CPVL: variants seen among roughly 807,000 people sequenced by gnomAD.
CPVL encodes the protein probable serine carboxypeptidase CPVL.
A neutral mutation model predicts 63.7 loss-of-function variants in CPVL; 51 were observed. The ratio of observed to expected loss-of-function variants is 0.80; its 90% CI spans 0.64 to 1.01. The LOEUF (loss-of-function observed/expected upper bound fraction) is 1.01, where lower values mean the gene tolerates loss of function less well. CPVL is among the 50% of genes least tolerant of loss of function. The pLI, the probability that CPVL is intolerant of heterozygous loss-of-function variation, is 0.00. For synonymous variants in CPVL, 195 were observed against 206.0 expected (o/e 0.95, Z 0.46); for missense variants, 530 against 573.1 (o/e 0.92, Z 0.77).
At chr7:29,123,597 G>GAAAAAAAAA (rs778757980) in intron 1 of CPVL, among the ~76,000 whole-genome samples, 1 of 41,246 alleles carries the variant, frequency 2.4e-5, no homozygotes, top group Non-Finnish European at 4.8e-5. Context: ...AACTGGTTCA[G>GAAAAAAAAA]AAAAAAAAAA....
At chr7:29,139,286 T>C (rs899033779) in intron 1 of CPVL, among the ~76,000 whole-genome samples, 3 of 152,184 alleles carry the variant, frequency 2.0e-5, no homozygotes, top group East Asian at 1.9e-4. Flanking sequence ...GTTCCTTCAT[T>C]TGTAAATTCT....
intron 1 of CPVL, among the ~76,000 whole-genome samples, chr7:29,137,055 C>T (rs1425939527): frequency 2.6e-5 from 4 of 152,182 alleles, no homozygotes; most frequent in Non-Finnish European, 4.4e-5. Context: ...CCAACCTTGA[C>T]TTTAACTCCT....
At chr7:29,101,524 G>T (rs936305803) in intron 3 of CPVL, among the ~76,000 whole-genome samples, 1 of 152,230 alleles carries the variant, frequency 6.6e-6, no homozygotes, top group Non-Finnish European at 1.5e-5. Flanking sequence ...GAACCCGGGA[G>T]GCGGAGCTTG....
At chr7:29,126,684 C>T (rs1043006978) in intron 1 of CPVL, 4 of 152,240 alleles carry the variant, frequency 2.6e-5, no homozygotes, top group African/African-American at 9.6e-5. Flanking sequence ...CCACTTTACA[C>T]TATCGATTAC....
At chr7:29,053,926 A>C (rs1361781853) in intron 11 of CPVL, among the ~76,000 whole-genome samples, 3 of 151,850 alleles carry the variant, frequency 2.0e-5, no homozygotes, top group African/African-American at 7.3e-5. Flanking sequence ...AGAAAAAGAA[A>C]AGCCAACATT....
At chr7:29,021,796 G>A (rs182393796) in intron 12 of CPVL, among the ~76,000 whole-genome samples, 28 of 151,836 alleles carry the variant, frequency 1.8e-4, no homozygotes, top group Admixed American at 3.9e-4. Context: ...TTGAGAGGCC[G>A]GCCCCCACCA....
At chr7:29,148,030 C>T (rs1290051971), upstream of CPVL, among the ~76,000 whole-genome samples, 2 of 152,160 alleles carry the variant, frequency 1.3e-5, no homozygotes, top group East Asian at 1.9e-4. Context: ...TCAAGCTTCC[C>T]AGAAGCAGCT....
At chr7:29,067,529 G>C (rs1424030029) in intron 9 of CPVL, among the ~76,000 whole-genome samples, 2 of 152,140 alleles carry the variant, frequency 1.3e-5, no homozygotes, top group Non-Finnish European at 2.9e-5. Flanking sequence ...CTAAGAGAGA[G>C]AACAGCCCCC....
intron 12 of CPVL, among the ~76,000 whole-genome samples, chr7:29,014,617 C>T (rs1204524346): frequency 1.3e-5 from 2 of 152,166 alleles, no homozygotes; most frequent in African/African-American, 4.8e-5. Context: ...GTTGAGATTA[C>T]AGTTGTGAGC....
At chr7:29,192,522 A>C (rs1783022090) in intron 1 of CPVL, 1 of 152,240 alleles carries the variant, frequency 6.6e-6, no homozygotes, top group African/African-American at 2.4e-5. Flanking sequence ...ATTTCCCCCT[A>C]GTAGAACAGG....
chr7:29,140,585 G>A (rs960360975), intron 1 of CPVL, among the ~76,000 whole-genome samples: 3 of 152,172 alleles, frequency 2.0e-5, no homozygotes, highest in African/African-American at 7.2e-5. Flanking sequence ...ACTGGAGGAA[G>A]ACCCCATTCA....
At chr7:29,038,990 A>G (rs901697432) in intron 11 of CPVL, among the ~76,000 whole-genome samples, 5 of 152,228 alleles carry the variant, frequency 3.3e-5, no homozygotes, top group Non-Finnish European at 7.3e-5. Flanking sequence ...GTACCATGGG[A>G]ACAGGTATGG....
At position 29,121,072 on chromosome 7, in the gene CPVL, C is replaced by G. The variant is rs764082187; in HGVS notation, c.-10-1G>C. ...CATGGCACCAACCATCTCTCAGGGT[C>G]TAGGATAAAAACAGCATTCCAAAAA... On this transcript the variant is annotated splice_acceptor_variant, in intron 1 of 12. Coordinates refer to ENST00000265394, the MANE Select transcript of CPVL (RefSeq NM_031311.5). LOFTEE classifies it low-confidence loss of function (5UTR_SPLICE). The G allele has an allele frequency of 6.3e-7, 1 of 1,575,514 alleles. No individual in the cohort carries two copies. The highest frequency in any genetic ancestry group is 1.2e-5 in the South Asian group (1 of 85,066).
chr7:29,152,827 C>T (rs1044413744), intron 5 of CPVL, among the ~76,000 whole-genome samples: 4 of 152,190 alleles, frequency 2.6e-5, no homozygotes, highest in Admixed American at 6.5e-5. Flanking sequence ...AAAATACACT[C>T]GATCCTTGTT....
At chr7:29,188,846 G>C (rs1387061674) in intron 1 of CPVL, among the ~76,000 whole-genome samples, 1 of 151,970 alleles carries the variant, frequency 6.6e-6, no homozygotes, top group Non-Finnish European at 1.5e-5. Flanking sequence ...CATTTCTATA[G>C]CTATTTTAAA....
chr7:29,177,789 C>G (rs1402296753), intron 5 of CPVL, among the ~76,000 whole-genome samples: 1 of 152,130 alleles, frequency 6.6e-6, no homozygotes, highest in African/African-American at 2.4e-5. Flanking sequence ...TCCCACCTAT[C>G]TATCTGTTCT....
At chr7:29,071,729 T>C in intron 9 of CPVL, 44 bp downstream of exon 9, 1 of 378,446 alleles carries the variant, frequency 2.6e-6, no homozygotes, top group Non-Finnish European at 4.8e-6. Context: ...CCTCCCCAGA[T>C]GGTTTTAATT....
At chr7:29,129,475 A>G (rs1001587633) in intron 1 of CPVL, among the ~76,000 whole-genome samples, 2 of 40,398 alleles carry the variant, frequency 5.0e-5, no homozygotes, top group Admixed American at 3.2e-4. Context: ...TTTTGCCATT[A>G]CTTTTTTTTT....
At chr7:29,002,101 A>G (rs1247157235) in intron 12 of CPVL, among the ~76,000 whole-genome samples, 1 of 152,212 alleles carries the variant, frequency 6.6e-6, no homozygotes, top group African/African-American at 2.4e-5. Flanking sequence ...AGCTTCTCTG[A>G]CCAAGACGCC....
Sources: gnomAD v4.1 joint callset for allele counts (sites outside exome capture counted in the v4.1 genomes callset) on GRCh38, gnomAD v4.1.1 for gene constraint, MANE v1.5 for transcripts, NCBI Gene and HGNC (gene_info 2026-07-23, HGNC 2026-07-21) for gene names.